Variants in BMPR1B observed in about 807,000 individuals in gnomAD.
BMPR1B encodes bone morphogenetic protein receptor type-1B.
In BMPR1B, 12 loss-of-function variants were observed where a neutral mutation model predicts 59.1. The ratio of observed to expected loss-of-function variants is 0.20; its 90% CI spans 0.13 to 0.33. The LOEUF is 0.33. BMPR1B is among the 10% of genes least tolerant of loss of function. BMPR1B has a pLI of 1.00. For synonymous variants in BMPR1B, 237 were observed against 207.3 expected, an observed-to-expected ratio of 1.14 and a Z score of -1.23; for missense variants, 550 against 610.9, an observed-to-expected ratio of 0.90 and a Z score of 1.05.
chr4:94,840,818 C>T (rs1725029148), intron 1 of BMPR1B, among the ~76,000 whole-genome samples: 1 of 148,592 alleles, frequency 6.7e-6, no homozygotes, highest in Admixed American at 6.7e-5. Context: ...AACTGCGTTC[C>T]TTTGGAGGAG....
At chr4:95,077,952 A>T (rs376837332) in intron 3 of BMPR1B, among the ~76,000 whole-genome samples, 7 of 152,326 alleles carry the variant, frequency 4.6e-5, no homozygotes, top group Admixed American at 4.6e-4. Context: ...AAATGCATCT[A>T]TGTAGCACTT....
At chr4:94,948,749 C>T (rs1056664427) in intron 2 of BMPR1B, among the ~76,000 whole-genome samples, 2 of 152,052 alleles carry the variant, frequency 1.3e-5, no homozygotes, top group African/African-American at 2.4e-5. Flanking sequence ...ACAACAGAAT[C>T]GCCTGGGTTA....
chr4:95,129,565 T>C (rs1733155886), intron 8 of BMPR1B, among the ~76,000 whole-genome samples: 1 of 152,306 alleles, frequency 6.6e-6, no homozygotes, highest in Non-Finnish European at 1.5e-5. Context: ...TATTCTACTC[T>C]GCTGATTACT....
At chr4:95,123,732 C>T in intron 6 of BMPR1B, 78 bp from the exon 7 acceptor site, 1 of 1,140,154 alleles carries the variant, frequency 8.8e-7, no homozygotes, top group Non-Finnish European at 1.3e-6. Context: ...TTAGCAAGTA[C>T]CTTTAGGAAA....
intron 3 of BMPR1B, among the ~76,000 whole-genome samples, chr4:95,004,924 G>A (rs1722718517): frequency 6.6e-6 from 1 of 152,100 alleles, no homozygotes; most frequent in Admixed American, 6.6e-5. Flanking sequence ...AATGCATATA[G>A]TCTTCTGAGT....
chr4:94,928,096 C>T (rs1443559802), intron 2 of BMPR1B, among the ~76,000 whole-genome samples: 2 of 150,780 alleles, frequency 1.3e-5, no homozygotes, highest in Non-Finnish European at 2.9e-5. Context: ...CTCTAGTAGG[C>T]GAAAGTCTCG....
chr4:95,022,888 C>T lies in BMPR1B; in HGVS notation c.-18+26754C>T, dbSNP rs375058476. On this transcript the variant is annotated intron_variant, in intron 3 of 12. Coordinates refer to ENST00000515059, the MANE Select transcript of BMPR1B (RefSeq NM_001203.3). ...TCTGACAGAGGAAAAGAGACCAACC[C>T]GTTCTGTTGTAAGAAAGACTGTGCT... Among the ~76,000 whole-genome samples, 9 of 152,194 alleles carry T rather than the reference C, an allele frequency of 5.9e-5. No homozygotes were observed. In the East Asian group the frequency reaches 1.4e-3, roughly 23 times the overall value.
intron 1 of BMPR1B, among the ~76,000 whole-genome samples, chr4:94,856,635 A>G (rs2148952164): frequency 6.6e-6 from 1 of 152,320 alleles, no homozygotes; most frequent in South Asian, 2.1e-4. Context: ...AACTCTTCAT[A>G]TCTTTCTACA....
rs1735505277 is a variant in BMPR1B, at chr4:95,157,508, C to T, written c.*2835C>T. ...CTTACTGTCAGGACTATTTCAAAGA[C>T]TAAGAAGAGTTTCTTCTAACCCCTC... On this transcript the variant is annotated 3_prime_UTR_variant, in exon 13 of 13. Coordinates refer to ENST00000515059, the MANE Select transcript of BMPR1B (RefSeq NM_001203.3). 6.6e-6 allele frequency: 1 copy of T among 151,880 alleles called. No homozygotes were observed. Among genetic ancestry groups the T allele is most frequent in the Non-Finnish European group, 1.5e-5 (1 of 67,944 alleles). 9.4% of individuals were successfully genotyped at this position (151,880 alleles called of 1,614,324 possible). A position where few individuals can be genotyped will look rare whatever the true frequency, so the allele number is the denominator to read the frequency against.
At chr4:95,097,115 AATTT>A (rs1160291126) in intron 3 of BMPR1B, among the ~76,000 whole-genome samples, 26 of 119,682 alleles carry the variant, frequency 2.2e-4, no homozygotes, top group South Asian at 5.4e-4. Flanking sequence ...ATAAAACTAT[AATTT>A]ATATATTAAT....
At position 94,886,721 on chromosome 4, in the gene BMPR1B, C is replaced by CA. The variant is rs367662077; in HGVS notation, c.-113+10825dup. 5.1e-3 allele frequency among the ~76,000 whole-genome samples: 773 copies of CA among 152,220 alleles called. 9 individuals carry two copies. Among genetic ancestry groups the CA allele is most frequent in the African/African-American group, 0.018 (742 of 41,548 alleles). ...TTGAAGACAGAGAATGACATGACTG[C>CA]AAAATAACTGTAAGTTCTGCAGTCC... is the stretch of plus-strand genomic sequence containing the variant. On this transcript the variant is annotated intron_variant, in intron 2 of 12. Transcript: ENST00000515059.
At chr4:94,795,944 G>A (rs571659088) in intron 1 of BMPR1B, among the ~76,000 whole-genome samples, 1 of 150,950 alleles carries the variant, frequency 6.6e-6, no homozygotes, top group South Asian at 2.1e-4. Flanking sequence ...ATTCAGTCAG[G>A]CCAACTTTAC....
At chr4:94,876,395 C>T (rs1046661717) in intron 2 of BMPR1B, among the ~76,000 whole-genome samples, 1 of 152,204 alleles carries the variant, frequency 6.6e-6, no homozygotes, top group East Asian at 1.9e-4. Context: ...GGCCCTACCT[C>T]TGACCCACAT....
intron 2 of BMPR1B, among the ~76,000 whole-genome samples, chr4:94,907,277 A>G (rs1044567984): frequency 6.6e-6 from 1 of 152,096 alleles, no homozygotes; most frequent in South Asian, 2.1e-4. Flanking sequence ...TGGCAATGCT[A>G]CTGTTTTAAA....
chr4:94,850,124 A>G (rs1309867265), intron 1 of BMPR1B, among the ~76,000 whole-genome samples: 2 of 152,074 alleles, frequency 1.3e-5, no homozygotes, highest in South Asian at 4.1e-4. Context: ...AGTTGAGACA[A>G]TGGAGGGAGA....
At chr4:94,767,442 T>C (rs1722011990) in intron 1 of BMPR1B, among the ~76,000 whole-genome samples, 1 of 152,326 alleles carries the variant, frequency 6.6e-6, no homozygotes, top group Non-Finnish European at 1.5e-5. Flanking sequence ...CTTTGTGTAC[T>C]TCATACATAG....
intron 3 of BMPR1B, among the ~76,000 whole-genome samples, chr4:95,034,641 T>TTAAA (rs1553929561): frequency 6.7e-6 from 1 of 149,556 alleles, no homozygotes; most frequent in Non-Finnish European, 1.5e-5. Flanking sequence ...TATTCCATGT[T>TTAAA]TATATATATA....
intron 1 of BMPR1B, among the ~76,000 whole-genome samples, chr4:94,763,037 G>A (rs1337293785): frequency 6.6e-6 from 1 of 151,998 alleles, no homozygotes; most frequent in East Asian, 1.9e-4. Context: ...CTTCTTCCAC[G>A]TGAGAGCCTA....
intron 12 of BMPR1B, 45 bp from the exon 13 acceptor site, chr4:95,154,503 C>T (rs138487987): frequency 1.2e-6 from 2 of 1,613,244 alleles, no homozygotes; most frequent in Admixed American, 1.7e-5. Flanking sequence ...GTAACAGGTG[C>T]CAGCCTTGCA....
Sources: allele counts gnomAD v4.1 joint callset (sites outside exome capture counted in the v4.1 genomes callset), GRCh38; gene constraint gnomAD v4.1.1; transcripts MANE v1.5; gene names NCBI Gene and HGNC (gene_info 2026-07-23, HGNC 2026-07-21).